FN1: variants seen among roughly 807,000 people sequenced by gnomAD.
FN1 encodes the protein fibronectin.
In FN1, 106 loss-of-function variants were observed where a neutral mutation model predicts 297.3. The ratio of observed to expected loss-of-function variants is 0.36; its 90% CI spans 0.30 to 0.42. The LOEUF is 0.42. Ranked by LOEUF, FN1 falls within the 10% of genes least tolerant of loss-of-function variation. FN1 has a pLI of 1.00. For synonymous variants in FN1, 1,149 were observed against 1,152.6 expected (o/e 1.00, Z 0.06); for missense variants, 2,690 against 3,124.9 (o/e 0.86, Z 3.32).
rs73987859 is a variant in FN1 at position 215,362,230 on chromosome 2, G to A, written c.7252-151C>T. 3,856 of 681,654 alleles carry A rather than the reference G, an allele frequency of 5.7e-3. 76 individuals carry two copies. Among genetic ancestry groups the A allele is most frequent in the African/African-American group, 0.052 (2,964 of 56,898 alleles). 42.2% of individuals were successfully genotyped at this position (681,654 alleles called of 1,614,324 possible). On this transcript the variant is annotated intron_variant, in intron 44 of 45. Coordinates refer to ENST00000354785, the MANE Select transcript of FN1 (RefSeq NM_212482.4). The stretch of plus-strand genomic sequence containing the variant: ...AAGCAAGCTTTGATGATGATTTCAT[G>A]CATTTATAACTCTTAATACATTTTG...
At position 215,386,715 on chromosome 2, in the gene FN1, G is replaced by C. The variant is rs760993609; in HGVS notation, c.4586C>G (p.Pro1529Arg). 1.2e-5 allele frequency: 19 copies of C among 1,613,692 alleles called. No homozygotes were observed. Among genetic ancestry groups the C allele is most frequent in the Non-Finnish European group, 1.5e-5 (18 of 1,179,952 alleles). The change falls in exon 28 of 46, where the codon CCC (proline) becomes CGC (arginine). Residue 1529 changes from proline to arginine, a missense_variant. Coordinates refer to ENST00000354785, the MANE Select transcript of FN1 (RefSeq NM_212482.4). ...TGTTGATTGTTGGCCAATCAATAAG[G>C]GACTTTCCTCTCTGCCATTAAGAGC... ...IVALNGREES[P>R]LLIGQQSTVS...
intron 10 of FN1, chr2:215,421,143 C>T (rs1178417201): frequency 1.2e-5 from 4 of 336,402 alleles, no homozygotes; most frequent in Non-Finnish European, 2.3e-5. Context: ...TGATAATTTC[C>T]TTTAAATATC....
Position 215,394,529 on chromosome 2 carries a change from T to G in FN1, c.3795A>C (p.Pro1265=). ...GATAGCAGCTTATTTTTCTATTACC[T>G]GGGATGATGGTATCAGAGATAGGGA... ...ESVPISDTII[P]EVPQLTDLSF... The change falls in exon 24 of 46, where the codon CCA becomes CCC. Residue 1265 remains proline (P), a splice_region_variant and synonymous_variant. Coordinates refer to ENST00000354785, the MANE Select transcript of FN1 (RefSeq NM_212482.4). The G allele has an allele frequency of 6.2e-7, 1 of 1,611,216 alleles. No individual in the cohort carries two copies. The highest frequency in any genetic ancestry group is 8.5e-7 in the Non-Finnish European group (1 of 1,177,560).
chr2:215,404,299 G>GTT (rs1553632344), intron 20 of FN1, 90 bp downstream of exon 20: 11 of 1,080,182 alleles, frequency 1.0e-5, no homozygotes, highest in Admixed American at 4.0e-5. Flanking sequence ...ATTTTTTAAT[G>GTT]TTTTTTTTGT....
chr2:215,427,863 T>TGTGCGTGTGTGC (rs1220468351), intron 6 of FN1, among the ~76,000 whole-genome samples: 1 of 152,180 alleles, frequency 6.6e-6, no homozygotes, highest in Non-Finnish European at 1.5e-5. Flanking sequence ...TACGTGTGTG[T>TGTGCGTGTGTGC]GTGCGTGTGT....
chr2:215,365,343 G>GA (rs1219116807), intron 43 of FN1, among the ~76,000 whole-genome samples, 162 bp downstream of exon 43: 2 of 152,138 alleles, frequency 1.3e-5, no homozygotes, highest in Non-Finnish European at 2.9e-5. Flanking sequence ...ACTCATTTTT[G>GA]AAGCTTGTCT....
At chr2:215,364,740 C>A in intron 44 of FN1, 139 bp downstream of exon 44, 1 of 694,920 alleles carries the variant, frequency 1.4e-6, no homozygotes. Flanking sequence ...TCTATGTCAG[C>A]AGTTGTATGC....
intron 19 of FN1, among the ~76,000 whole-genome samples, chr2:215,406,016 A>G (rs1336992540): frequency 6.6e-6 from 1 of 152,190 alleles, no homozygotes; most frequent in Admixed American, 6.5e-5. Flanking sequence ...CAGCTGGTAC[A>G]TGTATTTTAG....
chr2:215,363,748 A>T (rs536925575), intron 44 of FN1: 1 of 142,222 alleles, frequency 7.0e-6, no homozygotes, highest in East Asian at 2.1e-4. Context: ...AAGGGCTGTC[A>T]CATTCCATTG....
At position 215,372,261 on chromosome 2, in the gene FN1, G is replaced by T; in HGVS notation, c.6362C>A (p.Thr2121Asn). 6.2e-7 allele frequency: 1 copy of T among 1,614,216 alleles called. No homozygotes were observed. ...TPFVTHPGYD[T>N]GNGIQLPGTS... is the part of the protein sequence containing the mutation. The stretch of plus-strand genomic sequence containing the variant: ...GCCAGGAAGCTGAATACCATTTCCA[G>T]TGTCATACCCAGGGTGGGTGACGAA... The change falls in exon 40 of 46, where the codon ACT becomes AAT. Residue 2121 changes from threonine to asparagine, a missense_variant. Transcript: ENST00000354785.
At chr2:215,388,381 T>C in intron 26 of FN1, 80 bp from the exon 27 acceptor site, 1 of 982,590 alleles carries the variant, frequency 1.0e-6, no homozygotes, top group Non-Finnish European at 1.6e-6. Flanking sequence ...CTATTTGAAC[T>C]GATGAAATAT....
chr2:215,433,483 A>G (rs753147986), intron 2 of FN1, 22 bp from the exon 3 acceptor site: 3 of 1,611,232 alleles, frequency 1.9e-6, no homozygotes, highest in Non-Finnish European at 1.7e-6. Flanking sequence ...AGGAAAGTCC[A>G]TGTGAGCCTC....
chr2:215,383,524 C>G (rs1284897160), intron 30 of FN1, 41 bp from the exon 31 acceptor site: 3 of 1,609,882 alleles, frequency 1.9e-6, no homozygotes, highest in Non-Finnish European at 2.6e-6. Context: ...AGCCCCAGTC[C>G]TTGGAGACAA....
intron 13 of FN1, among the ~76,000 whole-genome samples, chr2:215,411,816 G>A (rs548867464): frequency 1.1e-4 from 17 of 151,964 alleles, no homozygotes; most frequent in East Asian, 5.8e-4. Context: ...ACAGGTATGC[G>A]CCACCATGCC....
intron 9 of FN1, among the ~76,000 whole-genome samples, chr2:215,422,937 C>T (rs1175508129): frequency 6.6e-6 from 1 of 152,096 alleles, no homozygotes; most frequent in East Asian, 1.9e-4. Flanking sequence ...AGAGCTTATG[C>T]CCATCAAACC....
At chr2:215,416,843 T>C (rs1167021216) in intron 12 of FN1, among the ~76,000 whole-genome samples, 1 of 152,210 alleles carries the variant, frequency 6.6e-6, no homozygotes, top group Non-Finnish European at 1.5e-5. Context: ...TGGTTTTTAC[T>C]CAAGCCAAAG....
chr2:215,434,930 T>A, intron 1 of FN1, 106 bp from the exon 2 acceptor site: 1 of 1,325,948 alleles, frequency 7.5e-7, no homozygotes, highest in Non-Finnish European at 1.1e-6. Context: ...TCCTTTTAAC[T>A]TTGCTAAAAG....
chr2:215,412,544 C>T (rs1471078385), intron 13 of FN1, among the ~76,000 whole-genome samples: 1 of 152,126 alleles, frequency 6.6e-6, no homozygotes. Context: ...TCAAGCGATC[C>T]TTCCGCCTCA....
Position 215,375,242 on chromosome 2 carries a change from G to A in FN1, c.6129C>T (p.Arg2043=). The A allele has an allele frequency of 6.2e-7, 1 of 1,614,184 alleles. No homozygotes were observed. The highest frequency in any genetic ancestry group is 1.1e-5 in the South Asian group (1 of 91,082). ...TAATAGTAGCCTCTGTGACACCAGG[G>A]CGGGGCCGAGGGACCACTTCTCTGG... ...SPPREVVPRP[R]PGVTEATITG... The change falls in exon 38 of 46, where the codon CGC becomes CGT. Residue 2043 remains arginine, a synonymous_variant. Coordinates refer to ENST00000354785, the MANE Select transcript of FN1 (RefSeq NM_212482.4).
Sources: allele counts gnomAD v4.1 joint callset (sites outside exome capture counted in the v4.1 genomes callset), GRCh38; gene constraint gnomAD v4.1.1; transcripts MANE v1.5; gene names NCBI Gene and HGNC (gene_info 2026-07-23, HGNC 2026-07-21).